SGCD: variants seen among roughly 807,000 people sequenced by gnomAD.
SGCD encodes the protein delta-sarcoglycan.
SGCD carries 18 observed loss-of-function variants against 36.6 expected under a neutral mutation model. That is an observed-to-expected ratio of 0.49 (90% CI 0.34 to 0.73). The LOEUF (loss-of-function observed/expected upper bound fraction) is 0.73. Ranked by LOEUF, SGCD falls within the 30% of genes least tolerant of loss-of-function variation. The pLI is 0.01. For missense variants in SGCD, 387 were observed against 346.7 expected, an observed-to-expected ratio of 1.12 and a Z score of -0.92; for synonymous variants, 133 against 130.6, an observed-to-expected ratio of 1.02 and a Z score of -0.12.
At chr5:156,359,616 A>G (rs893697101) in intron 3 of SGCD, among the ~76,000 whole-genome samples, 3 of 152,198 alleles carry the variant, frequency 2.0e-5, no homozygotes. Flanking sequence ...GCAGTCTGAG[A>G]AGATACTGTC....
intron 3 of SGCD, among the ~76,000 whole-genome samples, chr5:156,480,508 C>T (rs1192342090): frequency 6.6e-6 from 1 of 152,192 alleles, no homozygotes; most frequent in Non-Finnish European, 1.5e-5. Flanking sequence ...CAACCTGAAC[C>T]AGCCACTGTG....
At chr5:156,444,088 CT>C (rs1561699198) in intron 3 of SGCD, among the ~76,000 whole-genome samples, 4 of 115,158 alleles carry the variant, frequency 3.5e-5, no homozygotes, top group African/African-American at 1.6e-4. Flanking sequence ...CTCTCTCTCT[CT>C]CTCTCTCTCT....
chr5:155,773,257 T>C, the SGCD span, among the ~76,000 whole-genome samples: 1 of 152,170 alleles, frequency 6.6e-6, no homozygotes, highest in Non-Finnish European at 1.5e-5. Context: ...AGTTTTGGAA[T>C]AAATCTCTTT....
At chr5:156,386,051 C>A (rs1771259528) in intron 3 of SGCD, among the ~76,000 whole-genome samples, 1 of 152,312 alleles carries the variant, frequency 6.6e-6, no homozygotes, top group Admixed American at 6.5e-5. Context: ...TACAGTGTTT[C>A]TTATTTTGTT....
At chr5:156,443,774 G>C (rs966391829) in intron 3 of SGCD, among the ~76,000 whole-genome samples, 7 of 152,210 alleles carry the variant, frequency 4.6e-5, no homozygotes, top group Admixed American at 2.0e-4. Flanking sequence ...TCATGAAATA[G>C]CTTCTAGATT....
At chr5:155,908,633 C>T (rs1157225400) in intron 1 of SGCD, among the ~76,000 whole-genome samples, 1 of 152,066 alleles carries the variant, frequency 6.6e-6, no homozygotes, top group Non-Finnish European at 1.5e-5. Flanking sequence ...TTGTCAAACC[C>T]TGGTCAATAT....
At chr5:156,427,892 T>A (rs1475560030) in intron 3 of SGCD, among the ~76,000 whole-genome samples, 1 of 152,216 alleles carries the variant, frequency 6.6e-6, no homozygotes, top group Non-Finnish European at 1.5e-5. Context: ...GAAACCCACT[T>A]GATCATGGTG....
At chr5:156,304,025 C>T (rs1429014793) in intron 3 of SGCD, among the ~76,000 whole-genome samples, 1 of 152,042 alleles carries the variant, frequency 6.6e-6, no homozygotes, top group African/African-American at 2.4e-5. Context: ...CTCAGCAGAG[C>T]ACCAGTACTT....
chr5:155,911,040 G>T (rs1756617232), intron 1 of SGCD, among the ~76,000 whole-genome samples: 1 of 152,084 alleles, frequency 6.6e-6, no homozygotes, highest in African/African-American at 2.4e-5. Context: ...GTGAATGTTA[G>T]CGGAATAGCA....
At chr5:156,687,421 A>G (rs1485475203) in intron 7 of SGCD, among the ~76,000 whole-genome samples, 2 of 152,178 alleles carry the variant, frequency 1.3e-5, no homozygotes, top group African/African-American at 4.8e-5. Context: ...CCACTTGGCA[A>G]GGATCATGAG....
chr5:156,390,506 G>A (rs1169406017), intron 3 of SGCD, among the ~76,000 whole-genome samples: 1 of 152,140 alleles, frequency 6.6e-6, no homozygotes, highest in Admixed American at 6.5e-5. Flanking sequence ...GGCGGCGGGT[G>A]GATCACCTGA....
chr5:156,130,166 T>C (rs1035314547), intron 3 of SGCD, among the ~76,000 whole-genome samples: 16 of 152,246 alleles, frequency 1.1e-4, no homozygotes, highest in African/African-American at 3.9e-4. Context: ...TTTTTTGACT[T>C]TTTAGTAATA....
At chr5:155,728,931 G>A in the SGCD span, among the ~76,000 whole-genome samples, 1 of 152,218 alleles carries the variant, frequency 6.6e-6, no homozygotes, top group African/African-American at 2.4e-5. Context: ...AAGGCGTTTC[G>A]CGGACTCCGC....
At chr5:156,624,717 CT>C (rs1561822414) in intron 6 of SGCD, among the ~76,000 whole-genome samples, 2 of 151,862 alleles carry the variant, frequency 1.3e-5, no homozygotes, top group African/African-American at 4.8e-5. Flanking sequence ...GTTGAATTAA[CT>C]TTTTTTTTAA....
At chr5:155,765,752 T>G in the SGCD span, among the ~76,000 whole-genome samples, 100,731 of 151,864 alleles carry the variant, frequency 0.66, 34,057 homozygotes, top group African/African-American at 0.76. Flanking sequence ...AGATAGTTTT[T>G]TAAGGATTTT....
At chr5:155,862,579 C>G in the SGCD span, among the ~76,000 whole-genome samples, 1 of 152,136 alleles carries the variant, frequency 6.6e-6, no homozygotes, top group Admixed American at 6.5e-5. Context: ...TCAAGTGATC[C>G]TCCCACCTCA....
intron 7 of SGCD, among the ~76,000 whole-genome samples, chr5:156,716,739 G>A (rs1216975056): frequency 2.0e-5 from 3 of 152,098 alleles, no homozygotes; most frequent in East Asian, 1.9e-4. Context: ...CCATTAACCA[G>A]CTCCCTTGTC....
At chr5:156,025,304 TCATATCTCATTAGTTGGAG>T (rs757028044) in intron 1 of SGCD, among the ~76,000 whole-genome samples, 2 of 152,174 alleles carry the variant, frequency 1.3e-5, no homozygotes, top group Non-Finnish European at 2.9e-5. Context: ...AGTCTCCCAC[TCATATCTCATTAGTTGGAG>T]CAAGTCATAA....
intron 1 of SGCD, among the ~76,000 whole-genome samples, chr5:156,110,284 G>A (rs1761751470): frequency 6.6e-6 from 1 of 152,084 alleles, no homozygotes; most frequent in Admixed American, 6.5e-5. Flanking sequence ...ATATGAATAG[G>A]AGTTAGGTTT....
Sources: gnomAD v4.1 joint callset for allele counts (sites outside exome capture counted in the v4.1 genomes callset) on GRCh38, gnomAD v4.1.1 for gene constraint, MANE v1.5 for transcripts, NCBI Gene and HGNC (gene_info 2026-07-23, HGNC 2026-07-21) for gene names.